Variants in ZNF827 observed in about 807,000 individuals in gnomAD.
ZNF827 encodes the protein zinc finger protein 827.
A neutral mutation model predicts 102.4 loss-of-function variants in ZNF827; 13 were observed. The ratio of observed to expected loss-of-function variants is 0.13; its 90% CI spans 0.08 to 0.20. ZNF827 has a LOEUF of 0.20. Ranked by LOEUF, ZNF827 falls within the 10% of genes least tolerant of loss-of-function variation. ZNF827 has a pLI of 1.00. For synonymous variants in ZNF827, 523 were observed against 536.2 expected, an observed-to-expected ratio of 0.98 and a Z score of 0.34; for missense variants, 1,103 against 1,344.4, an observed-to-expected ratio of 0.82 and a Z score of 2.81.
At chr4:145,766,447 A>C (rs185862197) in intron 11 of ZNF827, among the ~76,000 whole-genome samples, 1 of 152,322 alleles carries the variant, frequency 6.6e-6, no homozygotes, top group East Asian at 1.9e-4. Context: ...AGAGACAGGA[A>C]ACAAAAGAGG....
chr4:145,938,574 C>A lies in ZNF827; in HGVS notation c.-167G>T. The A allele has an allele frequency of 1.8e-6, 1 of 551,758 alleles. No individual in the cohort carries two copies. Among genetic ancestry groups the A allele is most frequent in the Non-Finnish European group, 3.2e-6 (1 of 311,760 alleles). 34.2% of individuals were successfully genotyped at this position (551,758 alleles called of 1,614,324 possible). On this transcript the variant is annotated 5_prime_UTR_variant, in exon 1 of 15. Transcript: ENST00000508784. The stretch of plus-strand genomic sequence containing the variant: ...GTGTGCAATGGGTTGAAGCTTGTTT[C>A]CTGGAGCCAGAAGAGGGGTTTTCTT...
chr4:145,777,594 T>A (rs962950770), intron 9 of ZNF827, among the ~76,000 whole-genome samples: 1 of 152,214 alleles, frequency 6.6e-6, no homozygotes, highest in Admixed American at 6.5e-5. Context: ...TCTCCAATAA[T>A]TCTTTAACAT....
At position 145,805,832 on chromosome 4, in the gene ZNF827, T is replaced by C. The variant is rs1335818984; in HGVS notation, c.2383+17590A>G. ...GACGTCAGGGCCTTGTTGCTCCCTTTACATGAACTTTCTTCCCCACGAGGC... is the reference window on the plus strand; with the variant it reads ...GACGTCAGGGCCTTGTTGCTCCCTTCACATGAACTTTCTTCCCCACGAGGC... On this transcript the variant is annotated intron_variant, in intron 8 of 14. Coordinates refer to ENST00000508784, the MANE Select transcript of ZNF827 (RefSeq NM_001306215.2). Among the ~76,000 whole-genome samples the C allele has an allele frequency of 2.0e-5, 3 of 152,092 alleles. No individual in the cohort carries two copies. In the East Asian group the frequency reaches 5.8e-4, roughly 29 times the overall value.
chr4:145,848,744 A>AGCTGGTAATTACT (rs1191807458), intron 6 of ZNF827, among the ~76,000 whole-genome samples: 94 of 152,338 alleles, frequency 6.2e-4, no homozygotes, highest in African/African-American at 2.2e-3. Flanking sequence ...CACCTCACTG[A>AGCTGGTAATTACT]GCTGGTAATT....
chr4:145,903,212 A>G lies in ZNF827; in HGVS notation c.47T>C (p.Val16Ala). 1.2e-6 allele frequency: 2 copies of G among 1,603,726 alleles called. No homozygotes were observed. The highest frequency in any genetic ancestry group is 1.7e-6 in the Non-Finnish European group (2 of 1,173,118). The change falls in exon 2 of 15, where the codon GTT becomes GCT. Residue 16 changes from valine to alanine, a missense_variant. By Grantham distance (64) the Val-to-Ala change is moderately conservative (BLOSUM62 0). Coordinates refer to ENST00000508784, the MANE Select transcript of ZNF827 (RefSeq NM_001306215.2). ...QEQPKRLPSHVSRQEEAEGEL... is the reference protein window; with the variant it reads ...QEQPKRLPSHASRQEEAEGEL... The stretch of plus-strand genomic sequence containing the variant: ...TCCCTCCGCCTCTTCCTGCCTACTA[A>G]CATCTGGGGAGAATTAAGAAGATCA...
In ZNF827 at chr4:145,757,633, C is replaced by T. The variant is rs1334983580; in HGVS notation, c.*3983G>A. 1.3e-5 allele frequency: 2 copies of T among 149,722 alleles called. No homozygotes were observed. Among genetic ancestry groups the T allele is most frequent in the Non-Finnish European group, 2.9e-5 (2 of 67,800 alleles). 9.3% of individuals were successfully genotyped at this position (149,722 alleles called of 1,614,324 possible). ...AAAGAAAAAGAAACAAGAGTATAGC[C>T]AACCTTTTTTTTTTTTTAATTAGAG... On this transcript the variant is annotated 3_prime_UTR_variant, in exon 15 of 15. Coordinates refer to ENST00000508784, the MANE Select transcript of ZNF827 (RefSeq NM_001306215.2).
Position 145,838,711 on chromosome 4 carries a change from T to C in ZNF827, c.2279+7245A>G, listed in dbSNP as rs78685521. 6.2e-3 allele frequency among the ~76,000 whole-genome samples: 942 copies of C among 152,220 alleles called. 7 individuals are homozygous for C. Among genetic ancestry groups the C allele is most frequent in the African/African-American group, 0.021 (876 of 41,494 alleles). ...GAAAACAGAAGATTATAAAACTGTA[T>C]ATGTAGTAGGACTCAGTTATAAATG... On this transcript the variant is annotated intron_variant, in intron 7 of 14. Coordinates refer to ENST00000508784, the MANE Select transcript of ZNF827 (RefSeq NM_001306215.2).
rs115380284 is a variant in ZNF827 at position 145,879,970 on chromosome 4, C to T, written c.1747+5708G>A. ...TCTCTCATGCCTGTGATCCCAGTTT[C>T]TCACATCTGTAATCCCAGCACTTTG... On this transcript the variant is annotated intron_variant, in intron 4 of 14. Transcript: ENST00000508784. Among the ~76,000 whole-genome samples, 742 of 152,324 alleles carry T rather than the reference C, an allele frequency of 4.9e-3. 5 individuals are homozygous for T. Among genetic ancestry groups the T allele is most frequent in the African/African-American group, 0.017 (692 of 41,572 alleles).
chr4:145,888,213 A>G (rs947747399), intron 3 of ZNF827, among the ~76,000 whole-genome samples: 5 of 152,190 alleles, frequency 3.3e-5, no homozygotes, highest in African/African-American at 1.2e-4. Context: ...ACAACTTCCC[A>G]AAAGGACTAT....
intron 4 of ZNF827, among the ~76,000 whole-genome samples, chr4:145,874,192 A>G (rs1748955660): frequency 6.6e-6 from 1 of 152,198 alleles, no homozygotes; most frequent in Non-Finnish European, 1.5e-5. Flanking sequence ...CACAACCTGG[A>G]TTTAATAGAA....
intron 13 of ZNF827, among the ~76,000 whole-genome samples, chr4:145,764,121 A>C (rs960777140): frequency 6.6e-6 from 1 of 152,220 alleles, no homozygotes; most frequent in East Asian, 1.9e-4. Flanking sequence ...GTGTTAAGTA[A>C]AATGTAATTT....
chr4:145,775,191 T>A (rs546683704), intron 10 of ZNF827, among the ~76,000 whole-genome samples: 9 of 152,336 alleles, frequency 5.9e-5, no homozygotes, highest in South Asian at 4.1e-4. Flanking sequence ...AGCCACCCAC[T>A]GCTAGAGACA....
chr4:145,808,779 G>A (rs932779074), intron 8 of ZNF827, among the ~76,000 whole-genome samples: 3 of 152,108 alleles, frequency 2.0e-5, no homozygotes, highest in African/African-American at 7.2e-5. Context: ...TGGAGTCACA[G>A]TTATGTATTT....
At chr4:145,928,428 T>C (rs1479203025) in intron 1 of ZNF827, among the ~76,000 whole-genome samples, 2 of 152,210 alleles carry the variant, frequency 1.3e-5, no homozygotes, top group Non-Finnish European at 2.9e-5. Flanking sequence ...CGGACAGCAA[T>C]AGTTTTCCTT....
intron 4 of ZNF827, among the ~76,000 whole-genome samples, chr4:145,881,125 A>C (rs1749624878): frequency 6.6e-6 from 1 of 152,256 alleles, no homozygotes; most frequent in South Asian, 2.1e-4. Flanking sequence ...TTGTAGAACA[A>C]AGGCCAATGG....
intron 7 of ZNF827, among the ~76,000 whole-genome samples, chr4:145,837,074 G>A (rs1744917732): frequency 1.3e-5 from 2 of 151,840 alleles, no homozygotes; most frequent in South Asian, 4.2e-4. Flanking sequence ...GTCTGAGAAG[G>A]CCACCGCAGT....
intron 1 of ZNF827, among the ~76,000 whole-genome samples, chr4:145,920,861 G>A (rs1286552898): frequency 1.3e-5 from 2 of 152,074 alleles, no homozygotes; most frequent in African/African-American, 2.4e-5. Flanking sequence ...CATTTATTCA[G>A]CACTATTTAT....
intron 4 of ZNF827, 23 bp downstream of exon 4, chr4:145,885,654 GA>G: frequency 8.9e-7 from 1 of 1,128,786 alleles, no homozygotes; most frequent in Non-Finnish European, 1.2e-6. Context: ...GAGAGAGAGA[GA>G]GAATACAACC....
At chr4:145,864,038 C>T (rs1195397514) in intron 5 of ZNF827, among the ~76,000 whole-genome samples, 2 of 151,556 alleles carry the variant, frequency 1.3e-5, no homozygotes, top group Non-Finnish European at 2.9e-5. Context: ...TACTAAAATA[C>T]AAAAAATCAG....
Sources: gnomAD v4.1 joint callset for allele counts (sites outside exome capture counted in the v4.1 genomes callset) on GRCh38, gnomAD v4.1.1 for gene constraint, MANE v1.5 for transcripts, NCBI Gene and HGNC (gene_info 2026-07-23, HGNC 2026-07-21) for gene names.